Variants in CDC42SE2 observed in about 807,000 individuals in gnomAD.
The protein encoded by CDC42SE2 is CDC42 small effector 2.
CDC42SE2 carries 3 observed loss-of-function variants against 11.5 expected under a neutral mutation model. The ratio of observed to expected loss-of-function variants is 0.26; its 90% CI spans 0.12 to 0.67. CDC42SE2 has a LOEUF of 0.67. Among genes scored for constraint, CDC42SE2 ranks in the 30% least tolerant of loss-of-function variants. The pLI is 0.80. For missense variants in CDC42SE2, 82 were observed against 106.8 expected (o/e 0.77, Z 1.02); for synonymous variants, 33 against 34.8 (o/e 0.95, Z 0.18).
intron 2 of CDC42SE2, among the ~76,000 whole-genome samples, chr5:131,335,892 A>G (rs1329368676): frequency 6.6e-6 from 1 of 152,232 alleles, no homozygotes; most frequent in African/African-American, 2.4e-5. Flanking sequence ...TCCTGAATAC[A>G]GCACACTGAC....
At chr5:131,319,316 T>TA (rs755167833) in intron 2 of CDC42SE2, among the ~76,000 whole-genome samples, 2 of 152,208 alleles carry the variant, frequency 1.3e-5, no homozygotes, top group African/African-American at 2.4e-5. Flanking sequence ...CGAAACCACT[T>TA]ACTTCAGCTG....
upstream of CDC42SE2, among the ~76,000 whole-genome samples, chr5:131,260,103 A>G (rs533463396): frequency 6.6e-6 from 1 of 152,314 alleles, no homozygotes; most frequent in South Asian, 2.1e-4. Flanking sequence ...TAACGATTTT[A>G]CTTGAGTTCT....
At chr5:131,266,564 A>G (rs1244164746) in intron 1 of CDC42SE2, among the ~76,000 whole-genome samples, 2 of 147,494 alleles carry the variant, frequency 1.4e-5, no homozygotes, top group Admixed American at 7.0e-5. Flanking sequence ...GGCTCGAGCT[A>G]TTCTCATGCC....
At chr5:131,275,327 C>T (rs551732563) in intron 1 of CDC42SE2, among the ~76,000 whole-genome samples, 2 of 148,756 alleles carry the variant, frequency 1.3e-5, no homozygotes, top group East Asian at 2.0e-4. Context: ...GACTGAGTCT[C>T]GCTCTTTAGC....
At chr5:131,306,402 A>G (rs1038305374) in intron 1 of CDC42SE2, among the ~76,000 whole-genome samples, 1 of 151,888 alleles carries the variant, frequency 6.6e-6, no homozygotes, top group Non-Finnish European at 1.5e-5. Context: ...AAGCCAGTTG[A>G]CCATAATTTG....
upstream of CDC42SE2, among the ~76,000 whole-genome samples, chr5:131,241,975 C>T (rs1756543991): frequency 6.6e-6 from 1 of 151,866 alleles, no homozygotes. Context: ...ACTATCTTGC[C>T]ACTTGACAAA....
intron 1 of CDC42SE2, among the ~76,000 whole-genome samples, chr5:131,264,866 C>T (rs1756823752): frequency 6.6e-6 from 1 of 152,226 alleles, no homozygotes. Flanking sequence ...GTGTAAGAAA[C>T]AACATTGGGG....
At chr5:131,368,364 G>T (rs1483780182) in intron 3 of CDC42SE2, among the ~76,000 whole-genome samples, 1 of 151,216 alleles carries the variant, frequency 6.6e-6, no homozygotes, top group African/African-American at 2.4e-5. Context: ...TTGACCATTT[G>T]TTCATCCTGG....
At chr5:131,348,699 A>G (rs1435021216) in intron 2 of CDC42SE2, among the ~76,000 whole-genome samples, 1 of 152,210 alleles carries the variant, frequency 6.6e-6, no homozygotes, top group African/African-American at 2.4e-5. Flanking sequence ...TCCTAAGCCA[A>G]AAGAACAAAG....
At chr5:131,273,721 C>T (rs1464477312) in intron 1 of CDC42SE2, among the ~76,000 whole-genome samples, 1 of 148,442 alleles carries the variant, frequency 6.7e-6, no homozygotes, top group Non-Finnish European at 1.5e-5. Flanking sequence ...TGCAGTGAGC[C>T]AAGATCGCAC....
the CDC42SE2 span, among the ~76,000 whole-genome samples, chr5:131,220,277 G>A: frequency 1.3e-5 from 2 of 152,090 alleles, no homozygotes; most frequent in African/African-American, 4.8e-5. Context: ...CACCATCTCG[G>A]CTCACTGCAA....
chr5:131,221,018 G>A, the CDC42SE2 span, among the ~76,000 whole-genome samples: 1 of 151,586 alleles, frequency 6.6e-6, no homozygotes, highest in Non-Finnish European at 1.5e-5. Context: ...TCAAGTAGCT[G>A]GGACTACAGG....
intron 3 of CDC42SE2, among the ~76,000 whole-genome samples, chr5:131,365,755 G>A (rs1232631174): frequency 1.3e-5 from 2 of 152,166 alleles, no homozygotes; most frequent in Non-Finnish European, 2.9e-5. Flanking sequence ...GGCCAAGGCG[G>A]GCGGATCACG....
At chr5:131,376,416 T>G (rs1289438548) in intron 3 of CDC42SE2, among the ~76,000 whole-genome samples, 1 of 152,134 alleles carries the variant, frequency 6.6e-6, no homozygotes, top group African/African-American at 2.4e-5. Context: ...GGCTTTAAAG[T>G]TCTTGGAACT....
chr5:131,305,591 G>A (rs1435969528), intron 1 of CDC42SE2, among the ~76,000 whole-genome samples: 4 of 152,166 alleles, frequency 2.6e-5, no homozygotes, highest in Non-Finnish European at 4.4e-5. Flanking sequence ...TCCTTTGCCC[G>A]TTTTTTGATT....
At chr5:131,389,446 A>C (rs1750585924) in intron 4 of CDC42SE2, among the ~76,000 whole-genome samples, 1 of 152,236 alleles carries the variant, frequency 6.6e-6, no homozygotes. Flanking sequence ...TCATACGAAT[A>C]AGATGTTCCA....
intron 2 of CDC42SE2, among the ~76,000 whole-genome samples, chr5:131,329,717 A>G (rs920361037): frequency 2.0e-5 from 3 of 151,484 alleles, no homozygotes; most frequent in Non-Finnish European, 4.4e-5. Flanking sequence ...CATCTCTACT[A>G]AAAATACAAA....
the CDC42SE2 span, among the ~76,000 whole-genome samples, chr5:131,228,393 G>A: frequency 6.6e-6 from 1 of 152,084 alleles, no homozygotes. Flanking sequence ...CAGAGAGAGA[G>A]AGAAAATGAA....
intron 2 of CDC42SE2, among the ~76,000 whole-genome samples, chr5:131,333,113 A>G (rs1294202247): frequency 6.6e-6 from 1 of 152,182 alleles, no homozygotes; most frequent in African/African-American, 2.4e-5. Context: ...CTAACCTGTA[A>G]GTCTTTAATC....
Sources: gnomAD v4.1 joint callset for allele counts (sites outside exome capture counted in the v4.1 genomes callset) on GRCh38, gnomAD v4.1.1 for gene constraint, MANE v1.5 for transcripts, NCBI Gene and HGNC (gene_info 2026-07-23, HGNC 2026-07-21) for gene names.